EIF3L: variants seen among roughly 807,000 people sequenced by gnomAD.
The protein encoded by EIF3L is eIEF associated protein HSPC021.
EIF3L carries 32 observed loss-of-function variants against 74.6 expected under a neutral mutation model. That is an observed-to-expected ratio of 0.43 (90% CI 0.32 to 0.58). The LOEUF (loss-of-function observed/expected upper bound fraction) is 0.58. Among genes scored for constraint, EIF3L ranks in the 20% least tolerant of loss-of-function variants. The probability of loss-of-function intolerance (pLI) is 0.06; values close to 1 mark genes in which losing one functional copy is unlikely to be tolerated. For missense variants in EIF3L, 474 were observed against 707.8 expected, an observed-to-expected ratio of 0.67 and a Z score of 3.75; for synonymous variants, 256 against 254.4, an observed-to-expected ratio of 1.01 and a Z score of -0.06.
intron 10 of EIF3L, 42 bp downstream of exon 10, chr22:37,876,053 G>A: frequency 1.3e-6 from 2 of 1,589,954 alleles, no homozygotes; most frequent in South Asian, 1.1e-5. Context: ...TTTCTAATCA[G>A]GGGGATCCTT....
At chr22:37,874,602 C>A in intron 9 of EIF3L, 78 bp downstream of exon 9, 1 of 1,473,522 alleles carries the variant, frequency 6.8e-7, no homozygotes, top group South Asian at 1.3e-5. Flanking sequence ...TCTCTTAGGA[C>A]AAATTTCCAG....
chr22:37,883,168 TGCCTGTAATCTCA>T (rs1487428692), intron 11 of EIF3L: 1 of 151,834 alleles, frequency 6.6e-6, no homozygotes, highest in African/African-American at 2.4e-5. Context: ...TGGCAGCGCA[TGCCTGTAATCTCA>T]GCTACTCCGG....
intron 5 of EIF3L, among the ~76,000 whole-genome samples, chr22:37,862,188 A>G (rs1925894198): frequency 6.6e-6 from 1 of 152,158 alleles, no homozygotes; most frequent in African/African-American, 2.4e-5. Flanking sequence ...CACATTTTAC[A>G]GAGATTAAAT....
chr22:37,860,896 AT>A (rs1925820825), intron 5 of EIF3L, among the ~76,000 whole-genome samples: 5 of 152,156 alleles, frequency 3.3e-5, no homozygotes, highest in East Asian at 1.9e-4. Flanking sequence ...ACACTTACTA[AT>A]TCCAGGTTTT....
intron 7 of EIF3L, among the ~76,000 whole-genome samples, chr22:37,868,455 C>CT (rs201989381): frequency 3.4e-5 from 5 of 146,950 alleles, no homozygotes; most frequent in South Asian, 2.2e-4. Flanking sequence ...TCTGGATATT[C>CT]TTTTTTTTTC....
chr22:37,849,600 C>T, intron 1 of EIF3L, 118 bp downstream of exon 1: 1 of 1,187,894 alleles, frequency 8.4e-7, no homozygotes. Context: ...CGACCTCCCG[C>T]CCGGCCCTCA....
chr22:37,871,604 A>G (rs1235945491), intron 8 of EIF3L, among the ~76,000 whole-genome samples: 3 of 152,234 alleles, frequency 2.0e-5, no homozygotes, highest in Non-Finnish European at 1.5e-5. Context: ...GCCATGGCTC[A>G]CGCCTATTAT....
intron 8 of EIF3L, chr22:37,871,221 C>G (rs928635872): frequency 6.6e-6 from 1 of 152,106 alleles, no homozygotes; most frequent in African/African-American, 2.4e-5. Flanking sequence ...GTCACCCAGT[C>G]TGGTCTTGGA....
chr22:37,886,914 C>CT (rs762065885), intron 12 of EIF3L, 69 bp downstream of exon 12: 98 of 1,290,152 alleles, frequency 7.6e-5, no homozygotes, highest in African/African-American at 1.7e-4. Flanking sequence ...CGAGAGTTTA[C>CT]TTTTTTTTAA....
chr22:37,865,609 G>A (rs998500042), intron 7 of EIF3L, among the ~76,000 whole-genome samples: 3 of 152,170 alleles, frequency 2.0e-5, no homozygotes, highest in Admixed American at 6.5e-5. Flanking sequence ...CCAGGGAGAC[G>A]TTGTGTATAC....
At chr22:37,861,721 A>T (rs1370933412) in intron 5 of EIF3L, among the ~76,000 whole-genome samples, 6 of 151,938 alleles carry the variant, frequency 3.9e-5, no homozygotes, top group African/African-American at 1.5e-4. Flanking sequence ...ACTACCATTG[A>T]TGCTAAAGTT....
intron 3 of EIF3L, among the ~76,000 whole-genome samples, chr22:37,853,779 A>G (rs1156960486): frequency 1.6e-4 from 24 of 152,160 alleles, no homozygotes; most frequent in Non-Finnish European, 1.5e-5. Flanking sequence ...AAGTTTCCTA[A>G]ATCCAGTGTG....
intron 8 of EIF3L, among the ~76,000 whole-genome samples, chr22:37,873,559 C>T (rs988047679): frequency 2.6e-5 from 4 of 152,100 alleles, no homozygotes; most frequent in Non-Finnish European, 5.9e-5. Context: ...TCCCAAAGTG[C>T]TGGGATTACA....
In EIF3L at chr22:37,850,106, G is replaced by C. The variant is rs536019258; in HGVS notation, c.82+43G>C. The C allele has an allele frequency of 3.7e-5, 59 of 1,608,724 alleles. No individual in the cohort carries two copies. In the South Asian group the frequency reaches 5.5e-4, roughly 15 times the overall value. ...GCTGGCTGAGTACTCGTAGGGATCA[G>C]TTCCTTTGGAATGTCTTAGAACCAG... On this transcript the variant is annotated intron_variant, in intron 2 of 12. Transcript: ENST00000652021.
At position 37,888,542 on chromosome 22, in the gene EIF3L, C is replaced by T. The variant is rs1927440602; in HGVS notation, c.*78C>T. The T allele has an allele frequency of 6.9e-7, 1 of 1,448,922 alleles. No homozygotes were observed. The highest frequency in any genetic ancestry group is 9.7e-7 in the Non-Finnish European group (1 of 1,034,366). 89.8% of individuals were successfully genotyped at this position (1,448,922 alleles called of 1,614,324 possible). A position where few individuals can be genotyped will look rare whatever the true frequency, so the allele number is the denominator to read the frequency against. ...GTTTTTGCTACCGTGAAACCTTTAC[C>T]TAGATCAGCCATCAGCCTGTCAACT... is the stretch of plus-strand genomic sequence containing the variant. On this transcript the variant is annotated 3_prime_UTR_variant, in exon 13 of 13. Transcript: ENST00000652021.
At chr22:37,860,483 CT>C (rs1442999717) in intron 5 of EIF3L, among the ~76,000 whole-genome samples, 2 of 152,210 alleles carry the variant, frequency 1.3e-5, no homozygotes, top group East Asian at 3.8e-4. Context: ...AACGATTCTC[CT>C]TCCTCAGCCT....
chr22:37,851,249 A>C, intron 2 of EIF3L, 31 bp from the exon 3 acceptor site: 129 of 1,595,748 alleles, frequency 8.1e-5, no homozygotes, highest in Non-Finnish European at 1.0e-4. Context: ...GGGTTTGAGC[A>C]TACTCTGTAT....
intron 5 of EIF3L, 116 bp from the exon 6 acceptor site, chr22:37,862,853 A>C: frequency 1.3e-6 from 1 of 750,970 alleles, no homozygotes; most frequent in South Asian, 1.9e-5. Flanking sequence ...ACATAGTAAG[A>C]AAGAGAGGAC....
chr22:37,866,647 G>A (rs1456447666), intron 7 of EIF3L, among the ~76,000 whole-genome samples: 1 of 152,098 alleles, frequency 6.6e-6, no homozygotes, highest in Non-Finnish European at 1.5e-5. Flanking sequence ...TCAGCCGGGC[G>A]TGGTGGCAGG....
Sources: gnomAD v4.1 joint callset for allele counts (sites outside exome capture counted in the v4.1 genomes callset) on GRCh38, gnomAD v4.1.1 for gene constraint, MANE v1.5 for transcripts, NCBI Gene and HGNC (gene_info 2026-07-23, HGNC 2026-07-21) for gene names.